Variants in SLC37A1 observed in about 807,000 individuals in gnomAD.
The protein encoded by SLC37A1 is glucose-6-phosphate exchanger SLC37A1.
In SLC37A1, 49 loss-of-function variants were observed where a neutral mutation model predicts 75.3. That is an observed-to-expected ratio of 0.65 (90% CI 0.52 to 0.83). The LOEUF is 0.83. SLC37A1 is among the 40% of genes least tolerant of loss of function. SLC37A1 has a pLI of 0.00. For missense variants in SLC37A1, 566 were observed against 695.0 expected (o/e 0.81, Z 2.09); for synonymous variants, 268 against 292.1 (o/e 0.92, Z 0.84).
intron 3 of SLC37A1, among the ~76,000 whole-genome samples, chr21:42,528,687 G>C (rs1308022418): frequency 3.3e-5 from 5 of 152,208 alleles, no homozygotes; most frequent in African/African-American, 4.8e-5. Context: ...AAATTAACCA[G>C]GCATGGTGAC....
chr21:42,526,529 C>T (rs561812741), intron 3 of SLC37A1, among the ~76,000 whole-genome samples: 11 of 152,308 alleles, frequency 7.2e-5, no homozygotes, highest in African/African-American at 2.2e-4. Context: ...GCTCACTCTC[C>T]GGGAGTTGGC....
At chr21:42,516,581 A>G (rs1248239544) in intron 1 of SLC37A1, among the ~76,000 whole-genome samples, 3 of 152,218 alleles carry the variant, frequency 2.0e-5, no homozygotes, top group African/African-American at 7.2e-5. Flanking sequence ...TCTTAACTGC[A>G]CTCACTATGA....
chr21:42,555,158 G>GTATT (rs756674566), intron 10 of SLC37A1, among the ~76,000 whole-genome samples: 2 of 151,780 alleles, frequency 1.3e-5, no homozygotes, highest in Non-Finnish European at 2.9e-5. Context: ...GCTGAATTTT[G>GTATT]TATTTTTTTA....
At position 42,543,758 on chromosome 21, in the gene SLC37A1, G is replaced by C. The variant is rs753086715; in HGVS notation, c.730+156G>C. On this transcript the variant is annotated intron_variant, in intron 8 of 19. Coordinates refer to ENST00000352133, the MANE Select transcript of SLC37A1 (RefSeq NM_001320537.2). ...CTTCTTACCAGGGAGACTTCCCCGGGGAGCCGGTTCTCTCCTGGTTTTGCT... is the reference window on the plus strand; with the variant it reads ...CTTCTTACCAGGGAGACTTCCCCGGCGAGCCGGTTCTCTCCTGGTTTTGCT... 4.8e-4 allele frequency among the ~76,000 whole-genome samples: 73 copies of C among 152,210 alleles called. 2 individuals are homozygous for C. Among genetic ancestry groups the C allele is most frequent in the South Asian group, 2.1e-4 (1 of 4,836 alleles).
intron 5 of SLC37A1, among the ~76,000 whole-genome samples, chr21:42,537,304 C>T (rs1569004460): frequency 6.6e-6 from 1 of 152,202 alleles, no homozygotes; most frequent in Admixed American, 6.5e-5. Flanking sequence ...TGGTGTGTAC[C>T]TGGGGCTTCC....
chr21:42,518,381 G>A lies in SLC37A1; in HGVS notation c.-74G>A, dbSNP rs2054563377. 18 of 1,586,154 alleles carry A rather than the reference G, an allele frequency of 1.1e-5. No individual in the cohort carries two copies. Among genetic ancestry groups the A allele is most frequent in the Non-Finnish European group, 1.6e-5 (18 of 1,155,386 alleles). ...GGCAGGGGCAACAGAGAGAGGATCTGGAGCCAGGATTAATGACTCATTTAT... is the reference window on the plus strand; with the variant it reads ...GGCAGGGGCAACAGAGAGAGGATCTAGAGCCAGGATTAATGACTCATTTAT... On this transcript the variant is annotated 5_prime_UTR_variant, in exon 2 of 20. Coordinates refer to ENST00000352133, the MANE Select transcript of SLC37A1 (RefSeq NM_001320537.2).
intron 10 of SLC37A1, among the ~76,000 whole-genome samples, chr21:42,554,989 T>G (rs1367373833): frequency 2.0e-5 from 3 of 149,036 alleles, no homozygotes; most frequent in East Asian, 1.9e-4. Flanking sequence ...GTTGTTTTTT[T>G]TTTTTTTTTT....
intron 17 of SLC37A1, 85 bp from the exon 18 acceptor site, chr21:42,574,733 G>T (rs548379173): frequency 1.1e-5 from 15 of 1,307,670 alleles, no homozygotes; most frequent in Non-Finnish European, 1.6e-5. Flanking sequence ...TGAGTGAGGT[G>T]TTGAGCCCCA....
intron 14 of SLC37A1, 89 bp downstream of exon 14, chr21:42,564,882 G>A (rs533078495): frequency 4.7e-5 from 60 of 1,266,470 alleles, no homozygotes; most frequent in Admixed American, 7.7e-5. Flanking sequence ...CATCTGGCCC[G>A]TGCTCCACTT....
At chr21:42,511,397 C>T (rs1364959092), upstream of SLC37A1, among the ~76,000 whole-genome samples, 1 of 152,158 alleles carries the variant, frequency 6.6e-6, no homozygotes, top group Admixed American at 6.5e-5. Flanking sequence ...CAATGGAATA[C>T]TATTTAGCCT....
At chr21:42,527,214 T>TCA (rs2054818681) in intron 3 of SLC37A1, among the ~76,000 whole-genome samples, 1 of 152,160 alleles carries the variant, frequency 6.6e-6, no homozygotes, top group Non-Finnish European at 1.5e-5. Flanking sequence ...GCACCACCTG[T>TCA]TGGGCTGGGG....
chr21:42,566,659 G>A (rs2055986213), intron 15 of SLC37A1, among the ~76,000 whole-genome samples: 1 of 152,106 alleles, frequency 6.6e-6, no homozygotes, highest in Non-Finnish European at 1.5e-5. Context: ...GAGAGGGTGG[G>A]GGTCTGCCCT....
At chr21:42,515,636 T>C (rs572286101) in intron 1 of SLC37A1, among the ~76,000 whole-genome samples, 2 of 152,318 alleles carry the variant, frequency 1.3e-5, no homozygotes, top group Admixed American at 6.5e-5. Flanking sequence ...TTTGAAGAAA[T>C]AGGTATAAAA....
intron 10 of SLC37A1, among the ~76,000 whole-genome samples, chr21:42,558,240 G>A (rs1360491612): frequency 6.6e-6 from 1 of 152,136 alleles, no homozygotes; most frequent in East Asian, 1.9e-4. Flanking sequence ...TGTCCTTTAG[G>A]AACGTCTAGA....
Position 42,580,361 on chromosome 21 carries a change from C to T in SLC37A1, c.*1C>T. ...TTCTTTCAGATTTAAGGAACAGTGA[C>T]ACCCCACCCCAGTCCCGTGGAGGGG... On this transcript the variant is annotated 3_prime_UTR_variant, in exon 20 of 20. Coordinates refer to ENST00000352133, the MANE Select transcript of SLC37A1 (RefSeq NM_001320537.2). 6.2e-7 allele frequency: 1 copy of T among 1,613,274 alleles called. No homozygotes were observed. Among genetic ancestry groups the T allele is most frequent in the South Asian group, 1.1e-5 (1 of 90,668 alleles).
At chr21:42,530,658 C>CCCCCCA (rs2054943324) in intron 3 of SLC37A1, among the ~76,000 whole-genome samples, 1 of 108,616 alleles carries the variant, frequency 9.2e-6, no homozygotes, top group African/African-American at 3.3e-5. Flanking sequence ...ACACACACCC[C>CCCCCCA]CTCTGTGTTG....
At chr21:42,503,955 G>T (rs1262319974) in intron 2 of SLC37A1, among the ~76,000 whole-genome samples, 1 of 152,160 alleles carries the variant, frequency 6.6e-6, no homozygotes, top group South Asian at 2.1e-4. Flanking sequence ...CATCCGGGTG[G>T]TACTAGAACA....
At chr21:42,529,758 C>T (rs190448103) in intron 3 of SLC37A1, among the ~76,000 whole-genome samples, 12 of 152,188 alleles carry the variant, frequency 7.9e-5, no homozygotes, top group Non-Finnish European at 1.3e-4. Context: ...TCGAGTCTGC[C>T]GGTATTCCAT....
Position 42,547,101 on chromosome 21 carries a change from AGATC to A in SLC37A1, c.731-1_733del. 6.2e-7 allele frequency: 1 copy of A among 1,614,170 alleles called. No homozygotes were observed. Among genetic ancestry groups the A allele is most frequent in the Non-Finnish European group, 8.5e-7 (1 of 1,180,024 alleles). ...CAGCCTCACTCATGTTTGCTCTTTC[AGATC>A]CGAACGACGTCAGGTGCTCCTCCAC... is the stretch of plus-strand genomic sequence containing the variant. On this transcript the variant is annotated splice_acceptor_variant and coding_sequence_variant, in exon 9 of 20. Transcript: ENST00000352133. LOFTEE classifies it high-confidence loss of function. This position sits in a 1 kb window ranked among gnomAD's most constrained non-coding sequence, Gnocchi z 6.1.
Sources: gnomAD v4.1 joint callset for allele counts (sites outside exome capture counted in the v4.1 genomes callset) on GRCh38, gnomAD v4.1.1 for gene constraint, Gnocchi (gnomAD v3.1) non-coding constraint, MANE v1.5 for transcripts, NCBI Gene and HGNC (gene_info 2026-07-23, HGNC 2026-07-21) for gene names.